Variants in PCDHGB1 observed in about 807,000 individuals in gnomAD.
The protein encoded by PCDHGB1 is protocadherin gamma subfamily B, 1, also known as protocadherin gamma-B1.
Under a neutral mutation model 56.6 loss-of-function variants are expected in PCDHGB1, and 34 were observed. The ratio of observed to expected loss-of-function variants is 0.60; its 90% CI spans 0.46 to 0.80. The LOEUF is 0.80. Among genes scored for constraint, PCDHGB1 ranks in the 30% least tolerant of loss-of-function variants. The pLI is 0.00. For synonymous variants in PCDHGB1, 561 were observed against 505.9 expected, an observed-to-expected ratio of 1.11 and a Z score of -1.46; for missense variants, 1,278 against 1,204.6, an observed-to-expected ratio of 1.06 and a Z score of -0.90.
chr5:141,400,402 G>T (rs574141234), intron 1 of PCDHGB1: 2 of 1,614,056 alleles, frequency 1.2e-6, no homozygotes, highest in South Asian at 2.2e-5. Context: ...AGGAAAGACG[G>T]AGTTTAATTT....
chr5:141,388,289 A>T (rs1463991755), intron 1 of PCDHGB1: 14 of 1,613,522 alleles, frequency 8.7e-6, no homozygotes, highest in Non-Finnish European at 1.2e-5. Flanking sequence ...AATTCACGCA[A>T]AATTCCTTTG....
At chr5:141,359,042 CTG>C (rs1761096512) in intron 1 of PCDHGB1, among the ~76,000 whole-genome samples, 1 of 152,190 alleles carries the variant, frequency 6.6e-6, no homozygotes, top group Admixed American at 6.5e-5. Flanking sequence ...TAGTGATAGA[CTG>C]TGGAATATGC....
At chr5:141,371,274 C>G in intron 1 of PCDHGB1, 1 of 1,613,982 alleles carries the variant, frequency 6.2e-7, no homozygotes, top group South Asian at 1.1e-5. Context: ...ACTGTTCAAG[C>G]TGGACAGTAA....
chr5:141,498,737 G>A (rs1176793634), intron 2 of PCDHGB1, among the ~76,000 whole-genome samples: 1 of 152,076 alleles, frequency 6.6e-6, no homozygotes, highest in African/African-American at 2.4e-5. Context: ...TTTGAGACCA[G>A]CCTGGCCAAC....
Position 141,476,129 on chromosome 5 carries a change from G to T in PCDHGB1, c.2410-18678G>T, listed in dbSNP as rs2099385585. 6.2e-7 allele frequency: 1 copy of T among 1,606,848 alleles called. No homozygotes were observed. The highest frequency in any genetic ancestry group is 1.3e-5 in the African/African-American group (1 of 75,000). On this transcript the variant is annotated intron_variant, in intron 1 of 3. Transcript: ENST00000523390. The surrounding 1 kb of genome is among the most constrained non-coding windows in gnomAD (Gnocchi z 7.6). ...GCTTTTGAGTGAGATGGTCCCAGAG[G>T]CCTGGAGGAGCGGACTGGTAAGCAC...
chr5:141,494,923 G>A lies in PCDHGB1; in HGVS notation c.2468+58G>A, dbSNP rs572227346. Reference sequence around the variant, plus strand: ...TCTGCGGCATTTTCTCAGGGATGACGTGGGAGGAGATGGGGGAGGGCCCAG... The same window carrying A: ...TCTGCGGCATTTTCTCAGGGATGACATGGGAGGAGATGGGGGAGGGCCCAG... On this transcript the variant is annotated intron_variant, in intron 2 of 3. Coordinates refer to ENST00000523390, the MANE Select transcript of PCDHGB1 (RefSeq NM_018922.3). The A allele has an allele frequency of 8.9e-5, 143 of 1,613,698 alleles. 1 individual carries two copies. In the Middle Eastern group the frequency reaches 1.8e-3, roughly 20 times the overall value.
rs562479827 is a variant in PCDHGB1, at chr5:141,430,802, C to A, written c.2410-64005C>A. The A allele has an allele frequency of 1.2e-5, 18 of 1,524,776 alleles. No homozygotes were observed. The East Asian group carries it at 3.9e-4, about 33-fold the overall frequency. The allele number at this position is 1,524,776 out of a possible 1,614,324, so 94.5% of individuals were successfully genotyped here. On this transcript the variant is annotated intron_variant, in intron 1 of 3. Coordinates refer to ENST00000523390, the MANE Select transcript of PCDHGB1 (RefSeq NM_018922.3). ...GCACCGGGACTACAAAGGGCTTGTC[C>A]TGCTGGGAATCCTCCTGGGGACTCT... is the stretch of plus-strand genomic sequence containing the variant.
intron 1 of PCDHGB1, chr5:141,356,342 T>G (rs1430844725): frequency 6.4e-7 from 1 of 1,555,016 alleles, no homozygotes; most frequent in Non-Finnish European, 8.7e-7. Flanking sequence ...GGAAATGGCC[T>G]AGTCACATGT....
chr5:141,471,112 G>A (rs1442344944), intron 1 of PCDHGB1, among the ~76,000 whole-genome samples: 3 of 147,914 alleles, frequency 2.0e-5, no homozygotes, highest in Non-Finnish European at 4.4e-5. Flanking sequence ...GCAGTGGTGC[G>A]ATCTTACCTT....
chr5:141,494,756 A>G (rs780402065), intron 1 of PCDHGB1, 51 bp from the exon 2 acceptor site: 2 of 1,613,460 alleles, frequency 1.2e-6, no homozygotes, highest in South Asian at 1.1e-5. Context: ...CTCGGGTGAC[A>G]TTCTAACTTC....
intron 2 of PCDHGB1, among the ~76,000 whole-genome samples, chr5:141,503,518 G>A (rs576791899): frequency 6.7e-6 from 1 of 149,524 alleles, no homozygotes; most frequent in East Asian, 2.0e-4. Flanking sequence ...AGAATCACTT[G>A]AACCTGGGAG....
At chr5:141,461,133 T>C (rs2099009646) in intron 1 of PCDHGB1, among the ~76,000 whole-genome samples, 1 of 152,086 alleles carries the variant, frequency 6.6e-6, no homozygotes, top group South Asian at 2.1e-4. Flanking sequence ...TAATTACTTA[T>C]TTTCCTTTGG....
intron 1 of PCDHGB1, chr5:141,384,644 C>G (rs757384812): frequency 6.2e-7 from 1 of 1,614,234 alleles, no homozygotes; most frequent in Non-Finnish European, 8.5e-7. Flanking sequence ...CCCCGCTCCG[C>G]AGAGCCCGGC....
intron 1 of PCDHGB1, chr5:141,385,293 G>A: frequency 6.2e-7 from 1 of 1,613,166 alleles, no homozygotes; most frequent in Non-Finnish European, 8.5e-7. Flanking sequence ...TAGATTTTCA[G>A]GAATGTAAAG....
At chr5:141,426,788 T>C (rs2096960035) in intron 1 of PCDHGB1, 1 of 456,568 alleles carries the variant, frequency 2.2e-6, no homozygotes, top group African/African-American at 2.0e-5. Context: ...CTCTCCAGAG[T>C]TACCAGCTCA....
At chr5:141,394,637 G>C (rs201732776) in intron 1 of PCDHGB1, 4 of 1,613,464 alleles carry the variant, frequency 2.5e-6, no homozygotes, top group African/African-American at 1.3e-5. Flanking sequence ...CCTACCGCCT[G>C]CTCAAGGCCA....
intron 1 of PCDHGB1, chr5:141,374,488 G>A (rs777789497): frequency 6.2e-7 from 1 of 1,611,190 alleles, no homozygotes; most frequent in East Asian, 2.2e-5. Flanking sequence ...GATTCTTAAA[G>A]GAAGAATTGG....
chr5:141,485,805 T>C lies in PCDHGB1; in HGVS notation c.2410-9002T>C, dbSNP rs753916789. ...GAGAAGCAATCGGACTACCGCCTGG[T>C]GCTGACTGCTGTCGATGGAGGGAAC... On this transcript the variant is annotated intron_variant, in intron 1 of 3. Coordinates refer to ENST00000523390, the MANE Select transcript of PCDHGB1 (RefSeq NM_018922.3). The surrounding 1 kb of genome is among the most constrained non-coding windows in gnomAD (Gnocchi z 5.7). 1.2e-6 allele frequency: 2 copies of C among 1,614,198 alleles called. No individual in the cohort carries two copies. The highest frequency in any genetic ancestry group is 1.7e-6 in the Non-Finnish European group (2 of 1,180,026).
rs778571401 is a variant in PCDHGB1, at chr5:141,371,690, C to T, written c.2409+19021C>T. On this transcript the variant is annotated intron_variant, in intron 1 of 3. Coordinates refer to ENST00000523390, the MANE Select transcript of PCDHGB1 (RefSeq NM_018922.3). ...CTACCGACAAAGGCAATCCACCGCTCTCCTCCAGCAAGACCATCACTCTGC... is the reference window on the plus strand; with the variant it reads ...CTACCGACAAAGGCAATCCACCGCTTTCCTCCAGCAAGACCATCACTCTGC... 14 of 1,614,078 alleles carry T rather than the reference C, an allele frequency of 8.7e-6. No homozygotes were observed. The Admixed American group carries it at 2.3e-4, about 27-fold the overall frequency.
Sources: gnomAD v4.1 joint callset for allele counts (sites outside exome capture counted in the v4.1 genomes callset) on GRCh38, gnomAD v4.1.1 for gene constraint, Gnocchi (gnomAD v3.1) non-coding constraint, MANE v1.5 for transcripts, NCBI Gene and HGNC (gene_info 2026-07-23, HGNC 2026-07-21) for gene names.